The following SRGAP1 variants were observed in gnomAD, a reference collection of about 807,000 sequenced individuals.
The protein encoded by SRGAP1 is SLIT-ROBO Rho GTPase-activating protein 1.
Under a neutral mutation model 121.9 loss-of-function variants are expected in SRGAP1, and 43 were observed. The observed-to-expected ratio is 0.35, with a 90% CI of 0.28 to 0.46. SRGAP1 has a LOEUF of 0.46. Ranked by LOEUF, SRGAP1 falls within the 20% of genes least tolerant of loss-of-function variation. The probability of loss-of-function intolerance (pLI) is 1.00; values close to 1 mark genes in which losing one functional copy is unlikely to be tolerated. For missense variants in SRGAP1, 1,102 were observed against 1,350.9 expected (o/e 0.82, Z 2.89); for synonymous variants, 447 against 485.4 (o/e 0.92, Z 1.04).
chr12:64,075,387 T>C (rs1236320976), intron 8 of SRGAP1, among the ~76,000 whole-genome samples: 1 of 152,226 alleles, frequency 6.6e-6, no homozygotes, highest in Non-Finnish European at 1.5e-5. Context: ...TTCCTTGCCC[T>C]CTTGCGGTAA....
intron 3 of SRGAP1, among the ~76,000 whole-genome samples, chr12:64,010,425 G>C (rs1291004240): frequency 6.6e-6 from 1 of 152,070 alleles, no homozygotes. Context: ...GATAGGGTAA[G>C]GAATAGGGAC....
chr12:64,137,983 A>ATAT lies in SRGAP1; in HGVS notation c.2881-4312_2881-4311insTAT, dbSNP rs1565697592. Among the ~76,000 whole-genome samples, 392 of 120,644 alleles carry ATAT rather than the reference A, an allele frequency of 3.2e-3. 1 individual carries two copies. Among genetic ancestry groups the ATAT allele is most frequent in the South Asian group, 4.9e-3 (19 of 3,892 alleles). 79.1% of individuals were successfully genotyped at this position (120,644 alleles called of 152,430 possible). A position where few individuals can be genotyped will look rare whatever the true frequency, so the allele number is the denominator to read the frequency against. ...AAAAATATATATATATATATATATA[A>ATAT]AAAATAATAAAATTGACAATCTTAA... is the stretch of plus-strand genomic sequence containing the variant. On this transcript the variant is annotated intron_variant, in intron 21 of 21. Coordinates refer to ENST00000355086, the MANE Select transcript of SRGAP1 (RefSeq NM_020762.4).
At chr12:63,909,935 G>A (rs921121120) in intron 1 of SRGAP1, among the ~76,000 whole-genome samples, 3 of 152,168 alleles carry the variant, frequency 2.0e-5, no homozygotes, top group Admixed American at 1.3e-4. Context: ...CCCACATTAT[G>A]GAAGGTAATC....
chr12:63,912,733 G>A (rs74969586), intron 1 of SRGAP1, among the ~76,000 whole-genome samples: 2,879 of 152,144 alleles, frequency 0.019, 101 homozygotes, highest in African/African-American at 0.064. Flanking sequence ...AAATATAAAC[G>A]CTGTTGTTTC....
chr12:64,001,101 C>T (rs1182232289), intron 3 of SRGAP1, among the ~76,000 whole-genome samples: 1 of 152,088 alleles, frequency 6.6e-6, no homozygotes, highest in African/African-American at 2.4e-5. Flanking sequence ...GAGCCTCAAG[C>T]TTGCATGACT....
intron 21 of SRGAP1, among the ~76,000 whole-genome samples, chr12:64,139,000 A>G (rs1389979210): frequency 1.3e-5 from 2 of 152,244 alleles, no homozygotes; most frequent in African/African-American, 4.8e-5. Context: ...CATCTAAAAA[A>G]TATTTTATGT....
At chr12:64,092,090 A>G (rs2036063079) in intron 12 of SRGAP1, among the ~76,000 whole-genome samples, 1 of 152,212 alleles carries the variant, frequency 6.6e-6, no homozygotes, top group Non-Finnish European at 1.5e-5. Context: ...AAACTGTAGC[A>G]ATCAAACACT....
At chr12:63,907,320 T>C (rs1045092629) in intron 1 of SRGAP1, among the ~76,000 whole-genome samples, 4 of 152,096 alleles carry the variant, frequency 2.6e-5, no homozygotes, top group Admixed American at 2.0e-4. Context: ...GTGTATCACC[T>C]GAGGTCAGGA....
intron 1 of SRGAP1, among the ~76,000 whole-genome samples, chr12:63,939,394 A>G (rs1304175018): frequency 6.6e-6 from 1 of 152,138 alleles, no homozygotes; most frequent in Non-Finnish European, 1.5e-5. Context: ...AGTGTCCTAT[A>G]AGATATTTGC....
intron 18 of SRGAP1, among the ~76,000 whole-genome samples, chr12:64,117,423 G>A (rs2036540511): frequency 6.6e-6 from 1 of 151,794 alleles, no homozygotes. Flanking sequence ...CTGGGTATAT[G>A]CTTTGCAGAT....
At position 64,063,103 on chromosome 12, in the gene SRGAP1, A is replaced by G. The variant is rs139894551; in HGVS notation, c.988A>G (p.Met330Val). 66 of 1,613,686 alleles carry G rather than the reference A, an allele frequency of 4.1e-5. No individual in the cohort carries two copies. Among genetic ancestry groups the G allele is most frequent in the Non-Finnish European group, 5.3e-5 (63 of 1,179,728 alleles). ...EMYPAAFCPPMKFEFQSHMGD... is the reference protein window; with the variant it reads ...EMYPAAFCPPVKFEFQSHMGD... ...GTACCCTGCTGCGTTCTGTCCACCA[A>G]TGAAGTTTGAGTTTCAGTCTCACAT... is the stretch of plus-strand genomic sequence containing the variant. Residue 330 changes from methionine to valine, a missense_variant, in exon 7 of 22, where the codon ATG becomes GTG. By Grantham distance (21) the Met-to-Val change is conservative. Coordinates refer to ENST00000355086, the MANE Select transcript of SRGAP1 (RefSeq NM_020762.4).
chr12:63,869,824 C>A (rs946438452), intron 1 of SRGAP1, among the ~76,000 whole-genome samples: 3 of 152,098 alleles, frequency 2.0e-5, no homozygotes, highest in African/African-American at 7.2e-5. Context: ...ATGAATGTTG[C>A]CTGGGGTTAT....
At chr12:64,000,685 G>A (rs1001672334) in intron 3 of SRGAP1, among the ~76,000 whole-genome samples, 8 of 152,190 alleles carry the variant, frequency 5.3e-5, no homozygotes, top group Admixed American at 3.9e-4. Context: ...GGAGAGAACA[G>A]GTGTAATTGA....
rs2037115115 is a variant in SRGAP1, at chr12:64,150,990, A to G, written c.*8318A>G. The G allele has an allele frequency of 1.3e-5, 2 of 148,402 alleles. No homozygotes were observed. The highest frequency in any genetic ancestry group is 1.4e-4 in the Admixed American group (2 of 14,716). 9.2% of individuals were successfully genotyped at this position (148,402 alleles called of 1,614,324 possible). ...GTCAAGATTTGTAATAGAAATTGCC[A>G]TTTGAATTTTGGTCTGTAAGCCCAA... On this transcript the variant is annotated 3_prime_UTR_variant, in exon 22 of 22. Coordinates refer to ENST00000355086, the MANE Select transcript of SRGAP1 (RefSeq NM_020762.4).
intron 1 of SRGAP1, among the ~76,000 whole-genome samples, chr12:63,892,547 T>C (rs1900621707): frequency 6.6e-6 from 1 of 152,224 alleles, no homozygotes. Context: ...GTGGTCTTTT[T>C]TTCTCCCCTC....
chr12:64,048,127 A>G (rs1392231236), intron 6 of SRGAP1, among the ~76,000 whole-genome samples: 1 of 152,134 alleles, frequency 6.6e-6, no homozygotes, highest in Non-Finnish European at 1.5e-5. Flanking sequence ...CTATCTAACT[A>G]TATTTTTCTG....
At chr12:64,091,897 G>C in intron 12 of SRGAP1, 2 of 1,535,766 alleles carry the variant, frequency 1.3e-6, no homozygotes, top group African/African-American at 1.4e-5. Context: ...TTCTAGCCGA[G>C]GACGAAGAAA....
At chr12:64,011,544 C>G (rs1168298173) in intron 3 of SRGAP1, among the ~76,000 whole-genome samples, 1 of 152,002 alleles carries the variant, frequency 6.6e-6, no homozygotes, top group Non-Finnish European at 1.5e-5. Context: ...AAGATATATG[C>G]CTTTTGACCA....
At chr12:64,127,752 T>TA in intron 20 of SRGAP1, 28 bp downstream of exon 20, 2 of 1,612,234 alleles carry the variant, frequency 1.2e-6, no homozygotes, top group Non-Finnish European at 1.7e-6. Context: ...ATCAGGCCCC[T>TA]AAGCCTCCGC....
Sources: allele counts gnomAD v4.1 joint callset (sites outside exome capture counted in the v4.1 genomes callset), GRCh38; gene constraint gnomAD v4.1.1; transcripts MANE v1.5; gene names NCBI Gene and HGNC (gene_info 2026-07-23, HGNC 2026-07-21).